NRDC: variants seen among roughly 807,000 people sequenced by gnomAD.
The protein encoded by NRDC is nardilysin.
NRDC carries 54 observed loss-of-function variants against 147.1 expected under a neutral mutation model. That is an observed-to-expected ratio of 0.37 (90% CI 0.29 to 0.46). The LOEUF is 0.46. Ranked by LOEUF, NRDC falls within the 20% of genes least tolerant of loss-of-function variation. The pLI, the probability that NRDC is intolerant of heterozygous loss-of-function variation, is 1.00. For missense variants in NRDC, 1,082 were observed against 1,370.6 expected, an observed-to-expected ratio of 0.79 and a Z score of 3.33; for synonymous variants, 440 against 482.1, an observed-to-expected ratio of 0.91 and a Z score of 1.14.
intron 29 of NRDC, 118 bp downstream of exon 29, chr1:51,790,415 C>T: frequency 1.3e-6 from 1 of 740,888 alleles, no homozygotes; most frequent in Non-Finnish European, 2.4e-6. Context: ...AGTAATCAGG[C>T]CAGGACTAGT....
At position 51,873,515 on chromosome 1, in the gene NRDC, AT is replaced by A. The variant is rs775664962; in HGVS notation, c.341+4759del. ...TATTTATTTATTTATTTATTTATTT[AT>A]TTATTTATGTTTGAGACAGAGTCTT... is the stretch of plus-strand genomic sequence containing the variant. On this transcript the variant is annotated intron_variant, in intron 1 of 30. Transcript: ENST00000352171. 1.8e-3 allele frequency among the ~76,000 whole-genome samples: 265 copies of A among 146,472 alleles called. 1 individual carries two copies. The highest frequency in any genetic ancestry group is 7.0e-3 in the Middle Eastern group (2 of 286).
At position 51,790,992 on chromosome 1, in the gene NRDC, T is replaced by C. The variant is rs1416607345; in HGVS notation, c.2961-2A>G. The C allele has an allele frequency of 6.2e-7, 1 of 1,603,280 alleles. No homozygotes were observed. The highest frequency in any genetic ancestry group is 8.5e-7 in the Non-Finnish European group (1 of 1,171,138). On this transcript the variant is annotated splice_acceptor_variant, in intron 27 of 30. Coordinates refer to ENST00000352171, the MANE Select transcript of NRDC (RefSeq NM_001101662.2). LOFTEE classifies it high-confidence loss of function. ...ATCTTCTTATCAACAACTTCAGAAC[T>C]GAAACAAAACATCTTCAATCAGAAC...
intron 5 of NRDC, among the ~76,000 whole-genome samples, chr1:51,825,674 G>C (rs1156661686): frequency 1.3e-5 from 2 of 152,124 alleles, no homozygotes; most frequent in Non-Finnish European, 2.9e-5. Context: ...CTATGTACAA[G>C]ATTTTACTGA....
At chr1:51,824,593 C>T (rs139208777) in intron 6 of NRDC, among the ~76,000 whole-genome samples, 102 of 152,108 alleles carry the variant, frequency 6.7e-4, no homozygotes, top group African/African-American at 2.3e-3. Flanking sequence ...TAACTAAATC[C>T]TCCCACTAAG....
intron 2 of NRDC, among the ~76,000 whole-genome samples, chr1:51,839,160 CTT>C (rs5774110): frequency 3.7e-5 from 5 of 133,760 alleles, no homozygotes; most frequent in African/African-American, 5.6e-5. Context: ...TTTTCTTTTT[CTT>C]TTTTTTTTTT....
chr1:51,854,152 G>C (rs1220378735), intron 1 of NRDC, among the ~76,000 whole-genome samples: 1 of 151,844 alleles, frequency 6.6e-6, no homozygotes, highest in African/African-American at 2.4e-5. Context: ...GGTGGATCAC[G>C]AGGTCAGGAG....
At chr1:51,789,994 C>T (rs1678515204) in intron 29 of NRDC, among the ~76,000 whole-genome samples, 1 of 152,182 alleles carries the variant, frequency 6.6e-6, no homozygotes, top group Non-Finnish European at 1.5e-5. Context: ...ATCTACCTTG[C>T]TTCTATTAAG....
chr1:51,864,501 T>A (rs888860818), intron 1 of NRDC, among the ~76,000 whole-genome samples: 2 of 152,190 alleles, frequency 1.3e-5, no homozygotes, highest in Non-Finnish European at 2.9e-5. Context: ...TACAAGTACT[T>A]ACTTAATATC....
In NRDC at chr1:51,813,035, T is replaced by C. The variant is rs1172322455; in HGVS notation, c.1675-937A>G. Among the ~76,000 whole-genome samples the C allele has an allele frequency of 4.0e-5, 6 of 151,488 alleles. No individual in the cohort carries two copies. In the East Asian group the frequency reaches 1.2e-3, roughly 29 times the overall value. On this transcript the variant is annotated intron_variant, in intron 14 of 30. Transcript: ENST00000352171. Reference sequence around the variant, plus strand: ...TGGCTCATGCCTGTGATCCTACCACTTTGGGAGGCCAATGAGGGAGGATAA... The same window carrying C: ...TGGCTCATGCCTGTGATCCTACCACCTTGGGAGGCCAATGAGGGAGGATAA...
At chr1:51,827,468 C>G (rs1270083318) in intron 5 of NRDC, among the ~76,000 whole-genome samples, 1 of 152,152 alleles carries the variant, frequency 6.6e-6, no homozygotes, top group Non-Finnish European at 1.5e-5. Flanking sequence ...ATATTTATAG[C>G]ACAGATCTAT....
intron 1 of NRDC, among the ~76,000 whole-genome samples, chr1:51,841,076 A>C (rs768798836): frequency 6.6e-6 from 1 of 152,174 alleles, no homozygotes; most frequent in Non-Finnish European, 1.5e-5. Context: ...GAAATCCCCC[A>C]CAGACTGGTA....
rs1187728824 is a variant in NRDC at position 51,852,517 on chromosome 1, TTA to T, written c.342-12005_342-12004del. Among the ~76,000 whole-genome samples the T allele has an allele frequency of 1.9e-4, 16 of 84,030 alleles. No individual in the cohort carries two copies. In the South Asian group the frequency reaches 3.0e-3, roughly 16 times the overall value. 55.1% of individuals were successfully genotyped at this position (84,030 alleles called of 152,430 possible). On this transcript the variant is annotated intron_variant, in intron 1 of 30. Transcript: ENST00000352171. ...TGTATATGAGGCCTTAAAACTATATTTATATAGTTTTAAACTATAGTTTATAT... is the reference window on the plus strand; with the variant it reads ...TGTATATGAGGCCTTAAAACTATATTTATAGTTTTAAACTATAGTTTATAT...
In NRDC at chr1:51,814,366, CAT is replaced by C. The variant is rs1256725716; in HGVS notation, c.1619+183_1619+184del. 4 of 600,276 alleles carry C rather than the reference CAT, an allele frequency of 6.7e-6. No homozygotes were observed. The East Asian group carries it at 1.1e-4, about 17-fold the overall frequency. 37.2% of individuals were successfully genotyped at this position (600,276 alleles called of 1,614,324 possible). On this transcript the variant is annotated intron_variant, in intron 13 of 30. Coordinates refer to ENST00000352171, the MANE Select transcript of NRDC (RefSeq NM_001101662.2). The stretch of plus-strand genomic sequence containing the variant: ...AGCGTGAAAATAAAGGGACTGCCCA[CAT>C]ATGTGTAAAGCCTTAGTATACAATC...
chr1:51,826,573 G>C (rs1490762888), intron 5 of NRDC, among the ~76,000 whole-genome samples: 2 of 152,140 alleles, frequency 1.3e-5, no homozygotes, highest in Non-Finnish European at 2.9e-5. Context: ...AATTATATAT[G>C]TTTATGTGAG....
intron 22 of NRDC, 120 bp downstream of exon 22, chr1:51,798,128 TA>T: frequency 3.1e-6 from 3 of 972,468 alleles, no homozygotes; most frequent in Non-Finnish European, 4.7e-6. Flanking sequence ...GGTTCCCTTC[TA>T]AACAGAATAT....
chr1:51,860,634 C>T (rs1205330566), intron 1 of NRDC, among the ~76,000 whole-genome samples: 1 of 152,168 alleles, frequency 6.6e-6, no homozygotes, highest in East Asian at 1.9e-4. Context: ...AATTGGTCTT[C>T]CTGTTGCAAT....
intron 17 of NRDC, among the ~76,000 whole-genome samples, chr1:51,807,661 C>T (rs1679530570): frequency 6.6e-6 from 1 of 152,140 alleles, no homozygotes; most frequent in South Asian, 2.1e-4. Context: ...GAGCCATGAT[C>T]ATGCCACTGC....
chr1:51,847,143 A>T (rs1681674171), intron 1 of NRDC, among the ~76,000 whole-genome samples: 2 of 152,216 alleles, frequency 1.3e-5, no homozygotes, highest in South Asian at 4.1e-4. Context: ...TGAGCTAGAC[A>T]CAGAGTGCTG....
intron 1 of NRDC, among the ~76,000 whole-genome samples, chr1:51,877,065 G>C (rs539975500): frequency 6.6e-6 from 1 of 152,302 alleles, no homozygotes; most frequent in South Asian, 2.1e-4. Flanking sequence ...GCGAGCACCT[G>C]TAGTCCCAGC....
Sources: allele counts gnomAD v4.1 joint callset (sites outside exome capture counted in the v4.1 genomes callset), GRCh38; gene constraint gnomAD v4.1.1; transcripts MANE v1.5; gene names NCBI Gene and HGNC (gene_info 2026-07-23, HGNC 2026-07-21).